The following CDADC1 variants were observed in gnomAD, a reference collection of about 807,000 sequenced individuals.
CDADC1 encodes dCTP deaminase.
Under a neutral mutation model 54.9 loss-of-function variants are expected in CDADC1, and 39 were observed. The observed-to-expected ratio is 0.71, with a 90% CI of 0.55 to 0.93. CDADC1 has a LOEUF of 0.93. Ranked by LOEUF, CDADC1 falls within the 40% of genes least tolerant of loss-of-function variation. CDADC1 has a pLI of 0.00. For synonymous variants in CDADC1, 186 were observed against 204.0 expected (o/e 0.91, Z 0.75); for missense variants, 518 against 618.8 (o/e 0.84, Z 1.73).
chr13:49,279,290 C>T (rs1953243530), intron 7 of CDADC1, among the ~76,000 whole-genome samples: 2 of 152,068 alleles, frequency 1.3e-5, no homozygotes, highest in Admixed American at 6.5e-5. Flanking sequence ...TAAAGTGCTG[C>T]GGACATTCTG....
chr13:49,275,726 TAGAGAGAGAGAGAG>T (rs1163125791), intron 6 of CDADC1, among the ~76,000 whole-genome samples: 211 of 17,788 alleles, frequency 0.012, 1 homozygote, highest in Admixed American at 0.026. Context: ...TATATATATA[TAGAGAGAGAGAGAG>T]AGAGAGAGAG....
chr13:49,273,562 AG>A (rs551476197), intron 5 of CDADC1, among the ~76,000 whole-genome samples: 234 of 152,256 alleles, frequency 1.5e-3, no homozygotes, highest in Non-Finnish European at 4.1e-4. Flanking sequence ...ACTTTTGCAA[AG>A]GTTTTGGTTC....
At chr13:49,261,146 C>T (rs1952674856) in intron 4 of CDADC1, among the ~76,000 whole-genome samples, 1 of 152,070 alleles carries the variant, frequency 6.6e-6, no homozygotes, top group South Asian at 2.1e-4. Flanking sequence ...GTTCCTAGGC[C>T]TGTTGTGAGA....
At chr13:49,287,992 A>G (rs920783130) in intron 9 of CDADC1, among the ~76,000 whole-genome samples, 6 of 150,934 alleles carry the variant, frequency 4.0e-5, no homozygotes, top group Non-Finnish European at 3.0e-5. Flanking sequence ...AAAAAAAAAG[A>G]TATCACTACA....
At chr13:49,282,945 G>C (rs1953392603) in intron 8 of CDADC1, among the ~76,000 whole-genome samples, 1 of 152,192 alleles carries the variant, frequency 6.6e-6, no homozygotes, top group African/African-American at 2.4e-5. Context: ...AAAGGTTGGG[G>C]ACTGCTTTTA....
At position 49,285,460 on chromosome 13, in the gene CDADC1, C is replaced by T. The variant is rs377541839; in HGVS notation, c.1411-762C>T. On this transcript the variant is annotated intron_variant, in intron 8 of 9. Coordinates refer to ENST00000251108, the MANE Select transcript of CDADC1 (RefSeq NM_030911.4). ...AAAGTGCTGGGATTACAGGCGTGAG[C>T]CACTGTGCATGGCCTATCTTGGTCA... Among the ~76,000 whole-genome samples, 4 of 152,296 alleles carry T rather than the reference C, an allele frequency of 2.6e-5. No individual in the cohort carries two copies. The South Asian group carries it at 6.2e-4, about 24-fold the overall frequency.
chr13:49,264,498 A>G (rs1010510209), intron 4 of CDADC1, among the ~76,000 whole-genome samples: 1 of 143,044 alleles, frequency 7.0e-6, no homozygotes, highest in Non-Finnish European at 1.5e-5. Flanking sequence ...TGGGAGGACC[A>G]CCTCAGGTCA....
intron 2 of CDADC1, among the ~76,000 whole-genome samples, chr13:49,249,812 C>A (rs1028904779): frequency 2.6e-5 from 4 of 152,122 alleles, no homozygotes; most frequent in African/African-American, 9.7e-5. Context: ...CATCCTGCGT[C>A]TTTTCTTTCT....
chr13:49,274,240 AAAAC>A, intron 5 of CDADC1, 47 bp from the exon 6 acceptor site: 1 of 1,389,994 alleles, frequency 7.2e-7, no homozygotes, highest in Admixed American at 2.1e-5. Context: ...ATATATTTCT[AAAAC>A]TAACATATCA....
chr13:49,289,582 T>C (rs1357575501), intron 9 of CDADC1, among the ~76,000 whole-genome samples: 1 of 152,208 alleles, frequency 6.6e-6, no homozygotes, highest in East Asian at 1.9e-4. Context: ...AAAAATATTA[T>C]GGTGTATTCC....
chr13:49,249,499 T>C (rs537338896), intron 2 of CDADC1, among the ~76,000 whole-genome samples: 37 of 152,256 alleles, frequency 2.4e-4, no homozygotes, highest in African/African-American at 7.0e-4. Context: ...TTTGTGAGGC[T>C]GAGGTGGGTG....
chr13:49,248,109 C>T lies in CDADC1; in HGVS notation c.72C>T (p.Gly24=). The T allele has an allele frequency of 1.3e-6, 2 of 1,551,826 alleles. No homozygotes were observed. Among genetic ancestry groups the T allele is most frequent in the Non-Finnish European group, 1.7e-6 (2 of 1,147,226 alleles). ...GGCGGTCAGTCAGCACCCAGACTGG[C>T]AGCATGACCGGTGAGTGTCCGGGAC... The part of the protein sequence containing the change: ...RAGRSVSTQT[G]SMTGQIPRLS... Residue 24 remains glycine (G), a synonymous_variant, in exon 1 of 10, where the codon GGC becomes GGT. Transcript: ENST00000251108.
chr13:49,287,036 C>T (rs1000854347), intron 9 of CDADC1, among the ~76,000 whole-genome samples: 1 of 152,126 alleles, frequency 6.6e-6, no homozygotes, highest in Admixed American at 6.5e-5. Flanking sequence ...ACTAAAAATA[C>T]AAAAAATAGC....
chr13:49,271,297 A>G lies in CDADC1; in HGVS notation c.1001-2994A>G, dbSNP rs980287505. ...TCTTGGGGAAAAAAGAGCAGGAGGA[A>G]GGCATCAAAAATCTTATCTATCTGC... is the stretch of plus-strand genomic sequence containing the variant. On this transcript the variant is annotated intron_variant, in intron 5 of 9. Coordinates refer to ENST00000251108, the MANE Select transcript of CDADC1 (RefSeq NM_030911.4). Among the ~76,000 whole-genome samples the G allele has an allele frequency of 2.0e-5, 3 of 152,162 alleles. No individual in the cohort carries two copies. In the East Asian group the frequency reaches 5.8e-4, roughly 29 times the overall value.
Position 49,292,547 on chromosome 13 carries a change from A to G in CDADC1, c.*790A>G, listed in dbSNP as rs1448114751. ...CCATTAATAAATGCTGCTCCCCCAT[A>G]TAGTCTTCCCTTCTGTATAATTAAC... On this transcript the variant is annotated 3_prime_UTR_variant, in exon 10 of 10. Coordinates refer to ENST00000251108, the MANE Select transcript of CDADC1 (RefSeq NM_030911.4). 2 of 1,091,732 alleles carry G rather than the reference A, an allele frequency of 1.8e-6. No homozygotes were observed. Among genetic ancestry groups the G allele is most frequent in the African/African-American group, 1.7e-5 (1 of 60,156 alleles). 67.6% of individuals were successfully genotyped at this position (1,091,732 alleles called of 1,614,324 possible). A position where few individuals can be genotyped will look rare whatever the true frequency, so the allele number is the denominator to read the frequency against.
At chr13:49,275,734 G>T (rs1259483512) in intron 6 of CDADC1, among the ~76,000 whole-genome samples, 132 of 10,952 alleles carry the variant, frequency 0.012, 6 homozygotes, top group Middle Eastern at 0.056. Flanking sequence ...TATAGAGAGA[G>T]AGAGAGAGAG....
intron 6 of CDADC1, among the ~76,000 whole-genome samples, chr13:49,275,489 G>A (rs1195012551): frequency 5.3e-5 from 8 of 151,264 alleles, no homozygotes; most frequent in African/African-American, 1.9e-4. Context: ...AACACACAGA[G>A]ACTGGGGTGA....
intron 8 of CDADC1, among the ~76,000 whole-genome samples, chr13:49,282,537 C>T (rs990875271): frequency 1.3e-5 from 2 of 152,180 alleles, no homozygotes; most frequent in Non-Finnish European, 2.9e-5. Flanking sequence ...TTTATTTCCT[C>T]AAATGAGAAA....
intron 2 of CDADC1, among the ~76,000 whole-genome samples, chr13:49,251,269 G>A (rs1952424684): frequency 6.6e-6 from 1 of 151,962 alleles, no homozygotes; most frequent in Non-Finnish European, 1.5e-5. Context: ...GTAGCTGGGC[G>A]TGGTGGTGCG....
Sources: allele counts gnomAD v4.1 joint callset (sites outside exome capture counted in the v4.1 genomes callset), GRCh38; gene constraint gnomAD v4.1.1; transcripts MANE v1.5; gene names NCBI Gene and HGNC (gene_info 2026-07-23, HGNC 2026-07-21).